The following SPEF2 variants were observed in gnomAD, a reference collection of about 807,000 sequenced individuals.
The protein encoded by SPEF2 is sperm flagella and cilia-associated protein 2.
SPEF2 carries 187 observed loss-of-function variants against 224.6 expected under a neutral mutation model. That is an observed-to-expected ratio of 0.83 (90% CI 0.74 to 0.94). SPEF2 has a LOEUF of 0.94. SPEF2 is among the 40% of genes least tolerant of loss of function. The pLI is 0.00. For missense variants in SPEF2, 2,170 were observed against 2,135.6 expected (o/e 1.02, Z -0.32); for synonymous variants, 715 against 707.3 (o/e 1.01, Z -0.17).
In SPEF2 at chr5:35,656,024, G is replaced by C. The variant is rs369511550; in HGVS notation, c.978+1298G>C. Among the ~76,000 whole-genome samples the C allele has an allele frequency of 9.9e-5, 15 of 152,200 alleles. No individual in the cohort carries two copies. In the East Asian group the frequency reaches 2.7e-3, roughly 27 times the overall value. On this transcript the variant is annotated intron_variant, in intron 7 of 36. Coordinates refer to ENST00000356031, the MANE Select transcript of SPEF2 (RefSeq NM_024867.4). ...GAGAAGTAGCTTTAAGAGCTATTTT[G>C]GAGGTAAAATCAATAAGACTTATTG...
chr5:35,661,717 G>A lies in SPEF2; in HGVS notation c.1167+2510G>A, dbSNP rs958236124. Among the ~76,000 whole-genome samples, 6 of 152,176 alleles carry A rather than the reference G, an allele frequency of 3.9e-5. 1 individual carries two copies. ...CTGCATTAGTTTGCTGAGGATAATA[G>A]CCTCCAGCTCAATCCATGTCTCTGC... is the stretch of plus-strand genomic sequence containing the variant. On this transcript the variant is annotated intron_variant, in intron 8 of 36. Transcript: ENST00000356031.
rs745857127 is a variant in SPEF2, at chr5:35,750,092, A to C, written c.3331-3532A>C. ...GATCTTTGACAAAGCAAACAATAAC[A>C]TAAGTTGGGGAAAGGACACCCTGTT... is the stretch of plus-strand genomic sequence containing the variant. On this transcript the variant is annotated intron_variant, in intron 23 of 36. Transcript: ENST00000356031. Among the ~76,000 whole-genome samples the C allele has an allele frequency of 1.6e-4, 25 of 152,288 alleles. 1 individual carries two copies. The highest frequency in any genetic ancestry group is 3.4e-3 in the Middle Eastern group (1 of 294).
At position 35,681,773 on chromosome 5, in the gene SPEF2, A is replaced by G. The variant is rs183200422; in HGVS notation, c.1525-9264A>G. The stretch of plus-strand genomic sequence containing the variant: ...TAGAATGCATTTTTTTGTTTGTTTT[A>G]TGGGGAGACCTAGTCAAAAATGTTT... On this transcript the variant is annotated intron_variant, in intron 10 of 36. Coordinates refer to ENST00000356031, the MANE Select transcript of SPEF2 (RefSeq NM_024867.4). Among the ~76,000 whole-genome samples, 3 of 152,192 alleles carry G rather than the reference A, an allele frequency of 2.0e-5. No individual in the cohort carries two copies. In the East Asian group the frequency reaches 5.8e-4, roughly 29 times the overall value.
At chr5:35,643,404 G>T in intron 3 of SPEF2, 1 of 447,668 alleles carries the variant, frequency 2.2e-6, no homozygotes, top group South Asian at 1.6e-5. Flanking sequence ...GAGGAAGAGG[G>T]TAACATAGAT....
At chr5:35,790,122 C>T (rs1360332720) in intron 30 of SPEF2, 15 of 702,800 alleles carry the variant, frequency 2.1e-5, no homozygotes, top group Non-Finnish European at 3.4e-5. Flanking sequence ...AGTGTTGACC[C>T]TTCCTGCAAG....
At chr5:35,811,098 A>AT (rs911834359) in intron 36 of SPEF2, among the ~76,000 whole-genome samples, 61 of 151,660 alleles carry the variant, frequency 4.0e-4, no homozygotes, top group Non-Finnish European at 4.6e-4. Flanking sequence ...GCTAAAAAAA[A>AT]AAATAATAAA....
intron 11 of SPEF2, 118 bp downstream of exon 11, chr5:35,691,374 C>G (rs1276549505): frequency 1.2e-6 from 1 of 812,826 alleles, no homozygotes; most frequent in Non-Finnish European, 1.9e-6. Context: ...TGGGAAATCT[C>G]TGTCATCAAA....
intron 23 of SPEF2, among the ~76,000 whole-genome samples, chr5:35,751,295 A>G (rs1749604997): frequency 7.1e-6 from 1 of 141,280 alleles, no homozygotes; most frequent in Non-Finnish European, 1.5e-5. Context: ...GAATGATACA[A>G]TGGACTTTGG....
intron 21 of SPEF2, among the ~76,000 whole-genome samples, chr5:35,737,892 T>G (rs1746896158): frequency 6.6e-6 from 1 of 152,176 alleles, no homozygotes; most frequent in African/African-American, 2.4e-5. Flanking sequence ...CCTGACTTTT[T>G]AATGATTGCC....
chr5:35,667,729 G>A (rs1750686648), intron 9 of SPEF2, among the ~76,000 whole-genome samples: 1 of 151,990 alleles, frequency 6.6e-6, no homozygotes, highest in Non-Finnish European at 1.5e-5. Context: ...AAAGATGAAA[G>A]GATGTATAGA....
chr5:35,727,575 G>T (rs1419575874), intron 20 of SPEF2, 100 bp from the exon 21 acceptor site: 16 of 979,472 alleles, frequency 1.6e-5, no homozygotes, highest in Non-Finnish European at 2.1e-5. Flanking sequence ...AGTAGTTAAT[G>T]AATCACCTGA....
intron 21 of SPEF2, among the ~76,000 whole-genome samples, chr5:35,737,890 T>C (rs1053469023): frequency 2.0e-5 from 3 of 152,202 alleles, no homozygotes; most frequent in African/African-American, 7.2e-5. Flanking sequence ...TTCCTGACTT[T>C]TTAATGATTG....
intron 26 of SPEF2, among the ~76,000 whole-genome samples, chr5:35,764,929 G>A (rs551070194): frequency 3.9e-5 from 6 of 152,136 alleles, no homozygotes; most frequent in African/African-American, 1.4e-4. Context: ...CATACATAAG[G>A]AAAATGCATG....
Position 35,641,684 on chromosome 5 carries a change from G to A in SPEF2, c.414+1G>A. Reference sequence around the variant, plus strand: ...CATGAAAAGTGATACTTTTCAAGAGGTAGGTACATAAAAAAGCATAATAAG... The same window carrying A: ...CATGAAAAGTGATACTTTTCAAGAGATAGGTACATAAAAAAGCATAATAAG... On this transcript the variant is annotated splice_donor_variant, in intron 3 of 36. Transcript: ENST00000356031. LOFTEE classifies it high-confidence loss of function. 6.2e-7 allele frequency: 1 copy of A among 1,609,828 alleles called. No homozygotes were observed. Among genetic ancestry groups the A allele is most frequent in the Non-Finnish European group, 8.5e-7 (1 of 1,178,362 alleles).
chr5:35,733,051 T>TC (rs912452425), intron 21 of SPEF2, among the ~76,000 whole-genome samples: 1 of 151,964 alleles, frequency 6.6e-6, no homozygotes, highest in African/African-American at 2.4e-5. Flanking sequence ...TGGGAACATA[T>TC]CCCCCCCTGA....
intron 30 of SPEF2, among the ~76,000 whole-genome samples, chr5:35,786,660 C>CA (rs575585018): frequency 1.8e-4 from 26 of 145,848 alleles, no homozygotes; most frequent in South Asian, 4.3e-4. Flanking sequence ...GACTCCATCT[C>CA]AAAAAAAAAC....
In SPEF2 at chr5:35,676,896, A is replaced by AC. The variant is rs566065957; in HGVS notation, c.1524+6675dup. ...CCATAAACTCTCCCACCTAAAAGACACCCCCCACACCACCACCCCTGTCCG... is the reference window on the plus strand; with the variant it reads ...CCATAAACTCTCCCACCTAAAAGACACCCCCCCACACCACCACCCCTGTCCG... On this transcript the variant is annotated intron_variant, in intron 10 of 36. Coordinates refer to ENST00000356031, the MANE Select transcript of SPEF2 (RefSeq NM_024867.4). Among the ~76,000 whole-genome samples the AC allele has an allele frequency of 2.4e-4, 36 of 151,708 alleles. No individual in the cohort carries two copies. In the East Asian group the frequency reaches 5.8e-3, roughly 25 times the overall value.
At chr5:35,621,339 T>G (rs1364954836) in intron 1 of SPEF2, among the ~76,000 whole-genome samples, 1 of 152,104 alleles carries the variant, frequency 6.6e-6, no homozygotes, top group African/African-American at 2.4e-5. Context: ...TTATTTAATC[T>G]TAAAAACAAC....
chr5:35,658,526 G>A (rs750247199), intron 7 of SPEF2, among the ~76,000 whole-genome samples: 2 of 152,096 alleles, frequency 1.3e-5, no homozygotes, highest in African/African-American at 2.4e-5. Context: ...GTTAAAATGC[G>A]TACAGCATAA....
Sources: allele counts gnomAD v4.1 joint callset (sites outside exome capture counted in the v4.1 genomes callset), GRCh38; gene constraint gnomAD v4.1.1; transcripts MANE v1.5; gene names NCBI Gene and HGNC (gene_info 2026-07-23, HGNC 2026-07-21).